The following ITIH1 variants were observed in gnomAD, a reference collection of about 807,000 sequenced individuals.
The protein encoded by ITIH1 is inter-alpha-trypsin inhibitor heavy chain 1, also known as inter-alpha-trypsin inhibitor heavy chain H1.
ITIH1 carries 94 observed loss-of-function variants against 104.6 expected under a neutral mutation model. The ratio of observed to expected loss-of-function variants is 0.90; its 90% confidence interval spans 0.76 to 1.07. The LOEUF (loss-of-function observed/expected upper bound fraction) is 1.07, where lower values mean the gene tolerates loss of function less well. ITIH1 is among the 50% of genes least tolerant of loss of function. ITIH1 has a pLI of 0.00. For synonymous variants in ITIH1, 455 were observed against 464.4 expected, an observed-to-expected ratio of 0.98 and a Z score of 0.26; for missense variants, 1,193 against 1,181.4, an observed-to-expected ratio of 1.01 and a Z score of -0.14.
chr3:52,789,867 G>A lies in ITIH1; in HGVS notation c.2321+13G>A, dbSNP rs112763712. On this transcript the variant is annotated intron_variant, in intron 19 of 21. Coordinates refer to ENST00000273283, the MANE Select transcript of ITIH1 (RefSeq NM_002215.4). The stretch of plus-strand genomic sequence containing the variant: ...TGCGGCAGGACGGGTAACCTGCCAG[G>A]GCCTGGGCAAGATGCAGGGGGAGGT... The A allele has an allele frequency of 8.1e-5, 130 of 1,609,108 alleles. 1 individual carries two copies. The African/African-American group carries it at 1.1e-3, about 13-fold the overall frequency.
chr3:52,777,935 A>C, intron 1 of ITIH1, 62 bp from the exon 2 acceptor site: 1 of 1,605,952 alleles, frequency 6.2e-7, no homozygotes, highest in Non-Finnish European at 8.5e-7. Context: ...CCATCCCTGA[A>C]CTGGCAGGCC....
At chr3:52,784,097 C>T (rs1464292882) in intron 10 of ITIH1, among the ~76,000 whole-genome samples, 199 bp from the exon 11 acceptor site, 1 of 152,076 alleles carries the variant, frequency 6.6e-6, no homozygotes, top group Admixed American at 6.5e-5. Flanking sequence ...CCTAGATGGG[C>T]GGGGTCTGTG....
Position 52,785,095 on chromosome 3 carries a change from T to G in ITIH1, c.1459T>G (p.Tyr487Asp), listed in dbSNP as rs1699166674. 1 of 1,614,092 alleles carries G rather than the reference T, an allele frequency of 6.2e-7. No individual in the cohort carries two copies. Residue 487 changes from tyrosine to aspartate, a missense_variant, in exon 12 of 22, where the codon TAC becomes GAC. Tyr to Asp is a radical substitution (Grantham distance 160). Coordinates refer to ENST00000273283, the MANE Select transcript of ITIH1 (RefSeq NM_002215.4). ...CCTGCTGGTGGATGTGGATTTGCAGTACCCCCAGGATGCTGTCTTGGCCCT... is the reference window on the plus strand; with the variant it reads ...CCTGCTGGTGGATGTGGATTTGCAGGACCCCCAGGATGCTGTCTTGGCCCT... ...KPLLVDVDLQYPQDAVLALTQ... is the reference protein window; with the variant it reads ...KPLLVDVDLQDPQDAVLALTQ...
chr3:52,781,280 CTTCTTCCTCTTCTTCTTCTTCTGCTTCTT>C lies in ITIH1; in HGVS notation c.688-659_688-631del, dbSNP rs1699049836. 2.1e-5 allele frequency among the ~76,000 whole-genome samples: 3 copies of C among 139,666 alleles called. 1 individual carries two copies. The highest frequency in any genetic ancestry group is 2.1e-4 in the East Asian group (1 of 4,822). 91.6% of individuals were successfully genotyped at this position (139,666 alleles called of 152,430 possible). A position where few individuals can be genotyped will look rare whatever the true frequency, so the allele number is the denominator to read the frequency against. ...TCTTCTTCTTCTTCTTCTTCTTCTTCTTCTTCCTCTTCTTCTTCTTCTGCTTCTTCTTCTCCTTCTCCTTCTTCTTCTTC... is the reference window on the plus strand; with the variant it reads ...TCTTCTTCTTCTTCTTCTTCTTCTTCCTTCTCCTTCTCCTTCTTCTTCTTC... On this transcript the variant is annotated intron_variant, in intron 6 of 21. Coordinates refer to ENST00000273283, the MANE Select transcript of ITIH1 (RefSeq NM_002215.4).
At chr3:52,786,054 C>T (rs574220547) in intron 12 of ITIH1, among the ~76,000 whole-genome samples, 52 of 152,294 alleles carry the variant, frequency 3.4e-4, no homozygotes, top group African/African-American at 1.3e-3. Flanking sequence ...AGAGAAACTC[C>T]ACAAGGCAGG....
Position 52,787,132 on chromosome 3 carries a change from G to A in ITIH1, c.1888+33G>A, listed in dbSNP as rs1304709405. On this transcript the variant is annotated intron_variant, in intron 14 of 21. Transcript: ENST00000273283. The stretch of plus-strand genomic sequence containing the variant: ...CTGCAGGGGTCTACAGAAGGGAGAG[G>A]CCATGGGCCAAAAACCTCTGGGGCT... 4 of 1,614,188 alleles carry A rather than the reference G, an allele frequency of 2.5e-6. No individual in the cohort carries two copies. The South Asian group carries it at 3.3e-5, about 13-fold the overall frequency.
In ITIH1 at chr3:52,782,073, CT is replaced by C; in HGVS notation, c.813+9del. 6.2e-7 allele frequency: 1 copy of C among 1,614,156 alleles called. No individual in the cohort carries two copies. Among genetic ancestry groups the C allele is most frequent in the Non-Finnish European group, 8.5e-7 (1 of 1,180,032 alleles). On this transcript the variant is annotated intron_variant, in intron 7 of 21. Coordinates refer to ENST00000273283, the MANE Select transcript of ITIH1 (RefSeq NM_002215.4). The stretch of plus-strand genomic sequence containing the variant: ...AAGATCTGCGACCTCCTGGTGAGCC[CT>C]GAGCTTCTGGCTCAGCACCCAGAGG...
In ITIH1 at chr3:52,789,400, G is replaced by A. The variant is rs565456353; in HGVS notation, c.2120-253G>A. ...AAGGAGCAGGCTAGGTCCTGTTCTCGGGGAGGCACGACCTCCGTTAGGACC... is the reference window on the plus strand; with the variant it reads ...AAGGAGCAGGCTAGGTCCTGTTCTCAGGGAGGCACGACCTCCGTTAGGACC... On this transcript the variant is annotated intron_variant, in intron 18 of 21. Transcript: ENST00000273283. 9.9e-5 allele frequency among the ~76,000 whole-genome samples: 15 copies of A among 152,224 alleles called. No individual in the cohort carries two copies. In the South Asian group the frequency reaches 2.1e-3, roughly 21 times the overall value.
chr3:52,785,156 CAG>C lies in ITIH1; in HGVS notation c.1524_1525del (p.Glu508AspfsTer9). On this transcript the variant is annotated frameshift_variant, in exon 12 of 22. Transcript: ENST00000273283. LOFTEE classifies it high-confidence loss of function. ...CACCATAAACAGTACTACGAAGGCT[CAG>C]AGATTGTGGTGGCCGGGCGCATTGC... 1 of 1,614,144 alleles carries C rather than the reference CAG, an allele frequency of 6.2e-7. No homozygotes were observed. The highest frequency in any genetic ancestry group is 8.5e-7 in the Non-Finnish European group (1 of 1,180,020).
intron 18 of ITIH1, 91 bp from the exon 19 acceptor site, chr3:52,789,562 C>A: frequency 8.9e-7 from 1 of 1,127,908 alleles, no homozygotes; most frequent in Non-Finnish European, 1.3e-6. Context: ...ACAGGCAGGG[C>A]GTAGAGGCCT....
chr3:52,784,271 C>T (rs1699140101), intron 10 of ITIH1, 25 bp from the exon 11 acceptor site: 1 of 1,602,590 alleles, frequency 6.2e-7, no homozygotes, highest in South Asian at 1.1e-5. Flanking sequence ...AGCATCCCGT[C>T]ACTACCCAGG....
intron 12 of ITIH1, among the ~76,000 whole-genome samples, chr3:52,785,882 T>C (rs1167752804): frequency 3.3e-5 from 5 of 152,240 alleles, no homozygotes; most frequent in Admixed American, 6.5e-5. Context: ...CAGCAGCTGG[T>C]GCATAGGATG....
At chr3:52,782,803 G>A (rs777241113) in intron 8 of ITIH1, among the ~76,000 whole-genome samples, 154 bp from the exon 9 acceptor site, 8 of 152,040 alleles carry the variant, frequency 5.3e-5, no homozygotes, top group South Asian at 4.2e-4. Context: ...CCCAAGGCCC[G>A]GCAGGATGCT....
intron 10 of ITIH1, 38 bp downstream of exon 10, chr3:52,783,377 T>A (rs1204241393): frequency 6.2e-7 from 1 of 1,604,242 alleles, no homozygotes; most frequent in Admixed American, 1.7e-5. Flanking sequence ...GGTAGTGATC[T>A]CCTTGTCACC....
chr3:52,787,920 AG>A (rs747784312), intron 16 of ITIH1, 65 bp from the exon 17 acceptor site: 2 of 1,450,010 alleles, frequency 1.4e-6, no homozygotes, highest in Admixed American at 3.3e-5. Flanking sequence ...GAGTCATCAG[AG>A]GGATCAGCAG....
At chr3:52,782,410 G>A (rs539388168) in intron 8 of ITIH1, 143 bp downstream of exon 8, 3 of 680,338 alleles carry the variant, frequency 4.4e-6, no homozygotes, top group Non-Finnish European at 2.6e-6. Context: ...AATCCCAGTG[G>A]TTAGCATCTC....
In ITIH1 at chr3:52,790,825, C is replaced by T; in HGVS notation, c.2398C>T (p.His800Tyr). ...DDGGTFEVVL[H>Y]RVWKGSSVHQ... ...CGGTGGCACCTTTGAGGTTGTTTTG[C>T]ACCGAGTGTGGAAGGGGAGCTCGGT... Residue 800 changes from histidine to tyrosine, a missense_variant, in exon 20 of 22, where the codon CAC (histidine) becomes TAC (tyrosine). Transcript: ENST00000273283. 3 of 1,613,146 alleles carry T rather than the reference C, an allele frequency of 1.9e-6. No homozygotes were observed. The highest frequency in any genetic ancestry group is 2.5e-6 in the Non-Finnish European group (3 of 1,179,616).
In ITIH1 at chr3:52,787,321, C is replaced by G. The variant is rs1231577273; in HGVS notation, c.1903+119C>G. ...ATTCTTCCCTGACTCCACTCCTTCC[C>G]GTTCTTCCGTCCCCTGAGCCGCCCT... On this transcript the variant is annotated intron_variant, in intron 15 of 21. Transcript: ENST00000273283. 2.9e-6 allele frequency: 4 copies of G among 1,398,586 alleles called. No individual in the cohort carries two copies. In the Admixed American group the frequency reaches 6.7e-5, roughly 23 times the overall value. The allele number at this position is 1,398,586 out of a possible 1,614,324, so 86.6% of individuals were successfully genotyped here.
In ITIH1 at chr3:52,783,220, A is replaced by G. The variant is rs773372038; in HGVS notation, c.1106A>G (p.Asn369Ser). 6.2e-7 allele frequency: 1 copy of G among 1,613,938 alleles called. No homozygotes were observed. The highest frequency in any genetic ancestry group is 1.1e-5 in the South Asian group (1 of 91,052). Residue 369 changes from asparagine to serine, a missense_variant, in exon 10 of 22, where the codon AAC (asparagine) becomes AGC (serine). Physicochemically the swap from Asn to Ser is conservative, Grantham distance 46 (BLOSUM62 1). Coordinates refer to ENST00000273283, the MANE Select transcript of ITIH1 (RefSeq NM_002215.4). The stretch of plus-strand genomic sequence containing the variant: ...TGCTTTCTCTTCCTTGCAGCCACAA[A>G]CCTGAATGGAGGTTTGCTCCGGGGA... ...VRGFSLDEAT[N>S]LNGGLLRGIE...
Sources: allele counts gnomAD v4.1 joint callset (sites outside exome capture counted in the v4.1 genomes callset), GRCh38; gene constraint gnomAD v4.1.1; transcripts MANE v1.5; gene names NCBI Gene and HGNC (gene_info 2026-07-23, HGNC 2026-07-21).